Variants in POU6F2 observed in about 807,000 individuals in gnomAD.
POU6F2 encodes the protein POU class 6 homeobox 2, also known as POU domain, class 6, transcription factor 2.
POU6F2 carries 31 observed loss-of-function variants against 71.3 expected under a neutral mutation model. That is an observed-to-expected ratio of 0.43 (90% CI 0.33 to 0.59). POU6F2 has a LOEUF of 0.59. POU6F2 is among the 20% of genes least tolerant of loss of function. POU6F2 has a pLI of 0.04. For synonymous variants in POU6F2, 347 were observed against 355.7 expected, an observed-to-expected ratio of 0.98 and a Z score of 0.27; for missense variants, 783 against 856.8, an observed-to-expected ratio of 0.91 and a Z score of 1.07.
intron 2 of POU6F2, among the ~76,000 whole-genome samples, chr7:39,092,155 C>A (rs570494675): frequency 6.6e-6 from 1 of 152,182 alleles, no homozygotes; most frequent in African/African-American, 2.4e-5. Flanking sequence ...AGTGTTTATA[C>A]CAAACTGGCA....
At chr7:39,156,173 C>T (rs1473122254) in intron 2 of POU6F2, among the ~76,000 whole-genome samples, 1 of 152,120 alleles carries the variant, frequency 6.6e-6, no homozygotes, top group East Asian at 1.9e-4. Flanking sequence ...GTAGCACCAA[C>T]AATGAAGGAA....
At chr7:39,344,942 T>A (rs1785999773) in intron 5 of POU6F2, among the ~76,000 whole-genome samples, 1 of 152,190 alleles carries the variant, frequency 6.6e-6, no homozygotes, top group Non-Finnish European at 1.5e-5. Context: ...TAGCCAGGAC[T>A]GAGATGATGG....
chr7:38,986,705 T>C (rs1471383304), intron 1 of POU6F2, among the ~76,000 whole-genome samples: 1 of 152,146 alleles, frequency 6.6e-6, no homozygotes, highest in African/African-American at 2.4e-5. Context: ...TGGCAAACCA[T>C]TGCAATAGCA....
chr7:39,155,041 T>C (rs750615549), intron 2 of POU6F2, among the ~76,000 whole-genome samples: 8 of 151,940 alleles, frequency 5.3e-5, no homozygotes, highest in Non-Finnish European at 1.2e-4. Flanking sequence ...CTCTCATCCA[T>C]AAAAGAACCA....
At chr7:39,256,882 A>C (rs75009222) in intron 4 of POU6F2, among the ~76,000 whole-genome samples, 2,677 of 152,270 alleles carry the variant, frequency 0.018, 67 homozygotes, top group African/African-American at 0.061. Flanking sequence ...CCCAGCCGAC[A>C]CTTGATGTTA....
intron 2 of POU6F2, among the ~76,000 whole-genome samples, chr7:39,180,709 G>A (rs1239827422): frequency 6.6e-6 from 1 of 152,164 alleles, no homozygotes; most frequent in Non-Finnish European, 1.5e-5. Context: ...ATGCTCTGCT[G>A]TCACTGTCCT....
At chr7:39,074,224 C>G (rs1474503247) in intron 1 of POU6F2, among the ~76,000 whole-genome samples, 1 of 152,074 alleles carries the variant, frequency 6.6e-6, no homozygotes, top group Non-Finnish European at 1.5e-5. Flanking sequence ...TGGCTCACAC[C>G]TGTAATCCCA....
chr7:39,057,936 A>C (rs796698550), intron 1 of POU6F2, among the ~76,000 whole-genome samples: 1 of 152,176 alleles, frequency 6.6e-6, no homozygotes, highest in Non-Finnish European at 1.5e-5. Flanking sequence ...AAGGAGTTCA[A>C]TACTGTCTCC....
In POU6F2 at chr7:39,134,485, A is replaced by G. The variant is rs35117081; in HGVS notation, c.277+48454A>G. Among the ~76,000 whole-genome samples, 833 of 152,322 alleles carry G rather than the reference A, an allele frequency of 5.5e-3. 9 individuals carry two copies. The highest frequency in any genetic ancestry group is 9.9e-3 in the Admixed American group (151 of 15,306). The stretch of plus-strand genomic sequence containing the variant: ...GGTGATGAGAGATCATGCCAGTGAC[A>G]GTCTTTCTCTTCCCTTCTTCATTCT... On this transcript the variant is annotated intron_variant, in intron 2 of 9. Transcript: ENST00000518318.
At chr7:39,434,388 C>T (rs571595109) in intron 7 of POU6F2, among the ~76,000 whole-genome samples, 1 of 152,128 alleles carries the variant, frequency 6.6e-6, no homozygotes, top group African/African-American at 2.4e-5. Flanking sequence ...CTTTGTGCCC[C>T]TGTTACCTCA....
chr7:39,059,329 A>G (rs906893946), intron 1 of POU6F2, among the ~76,000 whole-genome samples: 6 of 152,134 alleles, frequency 3.9e-5, no homozygotes, highest in African/African-American at 1.2e-4. Context: ...AGGAGACTCA[A>G]GAGAACAAAG....
In POU6F2 at chr7:39,376,913, T is replaced by C. The variant is rs537892397; in HGVS notation, c.973-29687T>C. ...TATTTATTCAGTATTTTTATACTTA[T>C]ATATTTAATATTTATTTAGTATATT... On this transcript the variant is annotated intron_variant, in intron 5 of 9. Transcript: ENST00000518318. Among the ~76,000 whole-genome samples the C allele has an allele frequency of 1.3e-4, 20 of 148,296 alleles. No homozygotes were observed. The South Asian group carries it at 3.8e-3, about 28-fold the overall frequency.
At chr7:39,044,856 T>C (rs541021419) in intron 1 of POU6F2, among the ~76,000 whole-genome samples, 1 of 152,046 alleles carries the variant, frequency 6.6e-6, no homozygotes, top group South Asian at 2.1e-4. Flanking sequence ...TAACTGGTGA[T>C]TGGCTTAGCT....
intron 4 of POU6F2, among the ~76,000 whole-genome samples, chr7:39,242,460 G>A (rs1783745768): frequency 6.7e-6 from 1 of 149,812 alleles, no homozygotes. Context: ...TTTCTCTAAT[G>A]ACTAATAATG....
intron 7 of POU6F2, among the ~76,000 whole-genome samples, chr7:39,444,795 T>C (rs1244851759): frequency 6.6e-6 from 1 of 152,228 alleles, no homozygotes; most frequent in Non-Finnish European, 1.5e-5. Context: ...AATTGCCCCG[T>C]GCCTATGAAT....
chr7:39,049,709 T>C (rs1790366718), intron 1 of POU6F2, among the ~76,000 whole-genome samples: 1 of 152,056 alleles, frequency 6.6e-6, no homozygotes, highest in African/African-American at 2.4e-5. Flanking sequence ...TTATTTTAGT[T>C]ATTGTACTTT....
intron 5 of POU6F2, among the ~76,000 whole-genome samples, chr7:39,365,233 A>G (rs1786475232): frequency 6.6e-6 from 1 of 152,186 alleles, no homozygotes; most frequent in South Asian, 2.1e-4. Context: ...ATAAACCCAA[A>G]TACTTACTTA....
chr7:39,047,784 C>T (rs867437933), intron 1 of POU6F2, among the ~76,000 whole-genome samples: 1 of 151,818 alleles, frequency 6.6e-6, no homozygotes, highest in African/African-American at 2.4e-5. Context: ...TTGTCAACTG[C>T]CTTTTCTTTT....
chr7:39,352,253 G>C (rs944260432), intron 5 of POU6F2, among the ~76,000 whole-genome samples: 5 of 152,176 alleles, frequency 3.3e-5, no homozygotes, highest in Non-Finnish European at 7.4e-5. Flanking sequence ...CAGAAACCCT[G>C]TGAGAAGTCA....
Sources: allele counts gnomAD v4.1 joint callset (sites outside exome capture counted in the v4.1 genomes callset), GRCh38; gene constraint gnomAD v4.1.1; transcripts MANE v1.5; gene names NCBI Gene and HGNC (gene_info 2026-07-23, HGNC 2026-07-21).